DPP10: variants seen among roughly 807,000 people sequenced by gnomAD.
The protein encoded by DPP10 is inactive dipeptidyl peptidase 10.
DPP10 carries 33 observed loss-of-function variants against 120.9 expected under a neutral mutation model. The observed-to-expected ratio is 0.27, with a 90% CI of 0.21 to 0.37. DPP10 has a LOEUF of 0.37. Ranked by LOEUF, DPP10 falls within the 10% of genes least tolerant of loss-of-function variation. The probability of loss-of-function intolerance (pLI) is 1.00; values close to 1 mark genes in which losing one functional copy is unlikely to be tolerated. For synonymous variants in DPP10, 337 were observed against 326.1 expected, an observed-to-expected ratio of 1.03 and a Z score of -0.36; for missense variants, 816 against 942.8, an observed-to-expected ratio of 0.87 and a Z score of 1.76.
chr2:115,250,097 A>G (rs565292891), intron 1 of DPP10, among the ~76,000 whole-genome samples: 2 of 152,190 alleles, frequency 1.3e-5, no homozygotes, highest in East Asian at 1.9e-4. Flanking sequence ...CTTCTTGCTC[A>G]TTATCTGCTC....
At chr2:114,975,382 A>G (rs913335523) in intron 1 of DPP10, among the ~76,000 whole-genome samples, 1 of 152,146 alleles carries the variant, frequency 6.6e-6, no homozygotes, top group Non-Finnish European at 1.5e-5. Flanking sequence ...AACATTTTAA[A>G]TGTTTTAATG....
intron 1 of DPP10, among the ~76,000 whole-genome samples, chr2:115,296,976 C>T (rs976560079): frequency 1.3e-5 from 2 of 152,008 alleles, no homozygotes; most frequent in Non-Finnish European, 2.9e-5. Flanking sequence ...AGTTAATCCT[C>T]AAGAACGATT....
At chr2:115,351,159 G>T (rs889075185) in intron 3 of DPP10, among the ~76,000 whole-genome samples, 1 of 152,076 alleles carries the variant, frequency 6.6e-6, no homozygotes, top group Non-Finnish European at 1.5e-5. Context: ...AGAAAATGTG[G>T]TACATATACA....
intron 3 of DPP10, among the ~76,000 whole-genome samples, chr2:115,478,927 A>C (rs1310840918): frequency 6.6e-6 from 1 of 152,200 alleles, no homozygotes. Context: ...GACGTGGAGA[A>C]ACTGAAAGTC....
chr2:114,932,693 A>G (rs1012975904), intron 1 of DPP10, among the ~76,000 whole-genome samples: 4 of 152,172 alleles, frequency 2.6e-5, no homozygotes, highest in East Asian at 3.8e-4. Context: ...AAATCTTCCG[A>G]GGTGCTGGAA....
chr2:115,756,117 TGG>T (rs1679372412), intron 11 of DPP10, among the ~76,000 whole-genome samples: 1 of 152,014 alleles, frequency 6.6e-6, no homozygotes, highest in Non-Finnish European at 1.5e-5. Flanking sequence ...TACGTCTATC[TGG>T]GGGATAAAAG....
At chr2:115,252,874 A>C (rs1360196649) in intron 1 of DPP10, among the ~76,000 whole-genome samples, 1 of 152,238 alleles carries the variant, frequency 6.6e-6, no homozygotes, top group East Asian at 1.9e-4. Flanking sequence ...TGCCAAAGGC[A>C]AAGTTGTTAA....
chr2:115,276,327 C>T (rs1160568270), intron 1 of DPP10, among the ~76,000 whole-genome samples: 1 of 152,004 alleles, frequency 6.6e-6, no homozygotes, highest in Non-Finnish European at 1.5e-5. Context: ...TTGTAAATAG[C>T]CTGTAGAGAA....
Position 114,894,794 on chromosome 2 carries a change from AT to A in DPP10, c.61-414443del, listed in dbSNP as rs1260050335. On this transcript the variant is annotated intron_variant, in intron 1 of 25. Coordinates refer to ENST00000410059, the MANE Select transcript of DPP10 (RefSeq NM_020868.6). ...TAACTACATTATTATATTTCAAAGT[AT>A]TCTTAAAAACTTGAATTAGCCTCTG... Among the ~76,000 whole-genome samples the A allele has an allele frequency of 2.0e-5, 3 of 152,180 alleles. No homozygotes were observed. In the East Asian group the frequency reaches 5.8e-4, roughly 29 times the overall value.
intron 19 of DPP10, chr2:115,814,551 T>C (rs1490589876): frequency 1.3e-5 from 4 of 306,228 alleles, no homozygotes; most frequent in Non-Finnish European, 2.4e-5. Flanking sequence ...TAATTTCTAC[T>C]GCAATGTTAA....
At chr2:115,810,647 C>T (rs749570248) in intron 19 of DPP10, among the ~76,000 whole-genome samples, 24 of 152,164 alleles carry the variant, frequency 1.6e-4, no homozygotes, top group Non-Finnish European at 4.4e-5. Context: ...TTTGATTCTG[C>T]TACTTGTGTT....
At chr2:115,106,052 A>G (rs2048930730) in intron 1 of DPP10, among the ~76,000 whole-genome samples, 1 of 152,232 alleles carries the variant, frequency 6.6e-6, no homozygotes, top group Non-Finnish European at 1.5e-5. Context: ...CTACTACTGA[A>G]GACATGAACA....
chr2:115,697,812 C>T lies in DPP10; in HGVS notation c.576+7891C>T, dbSNP rs1283004083. 3.3e-5 allele frequency among the ~76,000 whole-genome samples: 5 copies of T among 152,070 alleles called. No individual in the cohort carries two copies. The East Asian group carries it at 5.8e-4, about 18-fold the overall frequency. ...CATCCTGGCTAACACGGTGAAACCC[C>T]GCCTCCACTAAAAATACAAAAAATT... is the stretch of plus-strand genomic sequence containing the variant. On this transcript the variant is annotated intron_variant, in intron 7 of 25. Coordinates refer to ENST00000410059, the MANE Select transcript of DPP10 (RefSeq NM_020868.6).
At chr2:115,001,929 A>G (rs1229196723) in intron 1 of DPP10, among the ~76,000 whole-genome samples, 1 of 152,216 alleles carries the variant, frequency 6.6e-6, no homozygotes, top group Non-Finnish European at 1.5e-5. Flanking sequence ...ATAAGAAAAA[A>G]TCAATGTAAT....
At chr2:115,279,235 A>T (rs980355717) in intron 1 of DPP10, among the ~76,000 whole-genome samples, 1 of 152,196 alleles carries the variant, frequency 6.6e-6, no homozygotes, top group Non-Finnish European at 1.5e-5. Flanking sequence ...TCTCTCATGT[A>T]TGAATTTGAA....
At chr2:115,395,008 A>C (rs1353755103) in intron 3 of DPP10, among the ~76,000 whole-genome samples, 2 of 152,212 alleles carry the variant, frequency 1.3e-5, no homozygotes, top group East Asian at 3.9e-4. Flanking sequence ...TGTAGACAAA[A>C]GTTTATGTTC....
intron 1 of DPP10, among the ~76,000 whole-genome samples, chr2:114,803,890 G>T (rs529236778): frequency 2.0e-5 from 3 of 152,196 alleles, no homozygotes; most frequent in Non-Finnish European, 4.4e-5. Context: ...GTAGCAAGGA[G>T]CCTAATGTTA....
intron 4 of DPP10, among the ~76,000 whole-genome samples, chr2:115,520,240 C>T (rs2077725218): frequency 6.6e-6 from 1 of 152,130 alleles, no homozygotes; most frequent in Admixed American, 6.5e-5. Context: ...ACTGCATGAA[C>T]CTGGGAGGCA....
intron 1 of DPP10, among the ~76,000 whole-genome samples, chr2:115,114,264 A>G (rs1005519655): frequency 1.3e-5 from 2 of 152,198 alleles, no homozygotes; most frequent in African/African-American, 2.4e-5. Context: ...CTCAAACTGC[A>G]ATTGTTTCTT....
Sources: gnomAD v4.1 joint callset for allele counts (sites outside exome capture counted in the v4.1 genomes callset) on GRCh38, gnomAD v4.1.1 for gene constraint, MANE v1.5 for transcripts, NCBI Gene and HGNC (gene_info 2026-07-23, HGNC 2026-07-21) for gene names.